Variants in LYPD6 observed in about 807,000 individuals in gnomAD.
LYPD6 encodes LY6/PLAUR domain containing 6, also known as ly6/PLAUR domain-containing protein 6.
Under a neutral mutation model 22.7 loss-of-function variants are expected in LYPD6, and 15 were observed. The observed-to-expected ratio is 0.66, with a 90% CI of 0.44 to 1.02. The LOEUF (loss-of-function observed/expected upper bound fraction) is 1.02. Among genes scored for constraint, LYPD6 ranks in the 50% least tolerant of loss-of-function variants. The pLI is 0.00. For missense variants in LYPD6, 189 were observed against 208.4 expected (o/e 0.91, Z 0.57); for synonymous variants, 72 against 77.5 (o/e 0.93, Z 0.37).
intron 3 of LYPD6, among the ~76,000 whole-genome samples, chr2:149,451,230 G>A (rs1260903650): frequency 1.3e-5 from 2 of 152,132 alleles, no homozygotes; most frequent in African/African-American, 4.8e-5. Context: ...GTGGCCTCAC[G>A]TGGCAGAAGA....
intron 3 of LYPD6, among the ~76,000 whole-genome samples, chr2:149,451,115 G>T (rs988695259): frequency 2.0e-5 from 3 of 152,192 alleles, no homozygotes; most frequent in Non-Finnish European, 4.4e-5. Context: ...AGTTCTTGAG[G>T]CTGGGAAGTC....
At chr2:149,411,615 C>T (rs1682850898) in intron 1 of LYPD6, among the ~76,000 whole-genome samples, 1 of 152,068 alleles carries the variant, frequency 6.6e-6, no homozygotes, top group Admixed American at 6.5e-5. Flanking sequence ...GACTCACTCA[C>T]ATGATATGAT....
intron 1 of LYPD6, among the ~76,000 whole-genome samples, chr2:149,397,327 A>G (rs1682449128): frequency 6.6e-6 from 1 of 151,966 alleles, no homozygotes; most frequent in Non-Finnish European, 1.5e-5. Flanking sequence ...TTTTTTATTT[A>G]TTGTTTCAGT....
the LYPD6 span, among the ~76,000 whole-genome samples, chr2:149,481,024 C>T: frequency 3.3e-5 from 5 of 152,322 alleles, no homozygotes; most frequent in South Asian, 2.1e-4. Context: ...CCACAAGTGT[C>T]GATGCCAAGA....
intron 1 of LYPD6, among the ~76,000 whole-genome samples, chr2:149,353,391 A>T (rs1376719115): frequency 6.6e-6 from 1 of 152,166 alleles, no homozygotes; most frequent in Admixed American, 6.5e-5. Context: ...GATGCACATT[A>T]CTATTCATGC....
intron 1 of LYPD6, among the ~76,000 whole-genome samples, chr2:149,395,909 G>T (rs769261945): frequency 6.6e-6 from 1 of 152,190 alleles, no homozygotes; most frequent in East Asian, 1.9e-4. Flanking sequence ...TCTCATGAAT[G>T]ATGGTAATGG....
intron 1 of LYPD6, among the ~76,000 whole-genome samples, chr2:149,399,683 A>G (rs1018466321): frequency 6.7e-6 from 1 of 148,976 alleles, no homozygotes; most frequent in African/African-American, 2.5e-5. Context: ...AATAAAATAT[A>G]AATAATAAAT....
Position 149,440,693 on chromosome 2 carries a change from C to CTTT in LYPD6, c.118+2890_118+2892dup, listed in dbSNP as rs764789006. Among the ~76,000 whole-genome samples, 306 of 91,072 alleles carry CTTT rather than the reference C, an allele frequency of 3.4e-3. 2 individuals carry two copies. The highest frequency in any genetic ancestry group is 0.01 in the Middle Eastern group (1 of 98). The allele number at this position is 91,072 out of a possible 152,430, so 59.7% of individuals were successfully genotyped here. A position where few individuals can be genotyped will look rare whatever the true frequency, so the allele number is the denominator to read the frequency against. ...CCAGAACTTCGTTTATTCTGTCCAC[C>CTTT]TTTTTTTTTTTTTTTTTTTTTTTTT... On this transcript the variant is annotated intron_variant, in intron 2 of 4. Coordinates refer to ENST00000334166, the MANE Select transcript of LYPD6 (RefSeq NM_194317.5).
At chr2:149,340,375 G>A (rs1003485829) in intron 1 of LYPD6, among the ~76,000 whole-genome samples, 1 of 152,076 alleles carries the variant, frequency 6.6e-6, no homozygotes, top group Non-Finnish European at 1.5e-5. Context: ...TATAATAACA[G>A]CATTTATTAC....
chr2:149,367,197 AG>A (rs1681689708), intron 1 of LYPD6, among the ~76,000 whole-genome samples: 1 of 152,180 alleles, frequency 6.6e-6, no homozygotes, highest in Admixed American at 6.5e-5. Context: ...GTCTATTACA[AG>A]GCTGCAATCG....
At chr2:149,375,761 G>T (rs1681906516) in intron 1 of LYPD6, among the ~76,000 whole-genome samples, 1 of 152,174 alleles carries the variant, frequency 6.6e-6, no homozygotes, top group African/African-American at 2.4e-5. Context: ...TTGCAGGGAG[G>T]CAAGGAACTG....
chr2:149,404,596 T>C (rs1252418304), intron 1 of LYPD6, among the ~76,000 whole-genome samples: 1 of 152,206 alleles, frequency 6.6e-6, no homozygotes, highest in South Asian at 2.1e-4. Flanking sequence ...ATCCTGAGAC[T>C]TTGCTGAAGT....
At chr2:149,410,093 TAACTC>T (rs1204608894) in intron 1 of LYPD6, among the ~76,000 whole-genome samples, 1 of 152,198 alleles carries the variant, frequency 6.6e-6, no homozygotes, top group African/African-American at 2.4e-5. Context: ...TCCCAGCTCT[TAACTC>T]AACACTTGGC....
chr2:149,423,982 C>T (rs1281588821), intron 1 of LYPD6, among the ~76,000 whole-genome samples: 1 of 133,870 alleles, frequency 7.5e-6, no homozygotes, highest in African/African-American at 3.5e-5. Context: ...CAATCCAGCC[C>T]TGATAAAAGT....
At chr2:149,460,300 T>A (rs1366961045) in intron 3 of LYPD6, among the ~76,000 whole-genome samples, 1 of 151,532 alleles carries the variant, frequency 6.6e-6, no homozygotes, top group Non-Finnish European at 1.5e-5. Context: ...TTCAAAATAA[T>A]TATATAAGCA....
intron 1 of LYPD6, among the ~76,000 whole-genome samples, chr2:149,344,542 G>C (rs1681218786): frequency 6.6e-6 from 1 of 152,164 alleles, no homozygotes; most frequent in African/African-American, 2.4e-5. Context: ...ATTAATCATA[G>C]AGCTGTAACA....
chr2:149,468,190 A>ACACAC (rs1681249676), intron 3 of LYPD6, among the ~76,000 whole-genome samples: 1 of 71,494 alleles, frequency 1.4e-5, no homozygotes, highest in African/African-American at 5.2e-5. Flanking sequence ...CACACACACC[A>ACACAC]GCCACTGCTG....
At chr2:149,477,196 G>C (rs1230801161), downstream of LYPD6, among the ~76,000 whole-genome samples, 1 of 152,158 alleles carries the variant, frequency 6.6e-6, no homozygotes, top group Non-Finnish European at 1.5e-5. Context: ...TGTATGTTTT[G>C]CCACTGCCCT....
chr2:149,469,451 G>A (rs1234112450), intron 4 of LYPD6, among the ~76,000 whole-genome samples: 1 of 152,094 alleles, frequency 6.6e-6, no homozygotes, highest in African/African-American at 2.4e-5. Context: ...GTCTATACGT[G>A]TGACCTTAAC....
Sources: allele counts gnomAD v4.1 joint callset (sites outside exome capture counted in the v4.1 genomes callset), GRCh38; gene constraint gnomAD v4.1.1; transcripts MANE v1.5; gene names NCBI Gene and HGNC (gene_info 2026-07-23, HGNC 2026-07-21).